CIAO3: variants seen among roughly 807,000 people sequenced by gnomAD.
CIAO3 encodes LET1 like/JFP15.
A neutral mutation model predicts 51.5 loss-of-function variants in CIAO3; 45 were observed. The observed-to-expected ratio is 0.87, with a 90% CI of 0.69 to 1.12. The LOEUF (loss-of-function observed/expected upper bound fraction) is 1.12, where lower values mean the gene tolerates loss of function less well. Ranked by LOEUF, CIAO3 falls within the 50% of genes most tolerant of loss-of-function variation. CIAO3 has a pLI of 0.00. For synonymous variants in CIAO3, 314 were observed against 269.3 expected (o/e 1.17, Z -1.63); for missense variants, 668 against 632.5 (o/e 1.06, Z -0.60).
Position 731,844 on chromosome 16 carries a change from A to G in CIAO3, c.897-142T>C, listed in dbSNP as rs1445513126. The G allele has an allele frequency of 8.0e-6, 9 of 1,118,828 alleles. No individual in the cohort carries two copies. In the South Asian group the frequency reaches 1.6e-4, roughly 20 times the overall value. The allele number at this position is 1,118,828 out of a possible 1,614,324, so 69.3% of individuals were successfully genotyped here. A position where few individuals can be genotyped will look rare whatever the true frequency, so the allele number is the denominator to read the frequency against. On this transcript the variant is annotated intron_variant, in intron 8 of 10. Transcript: ENST00000251588. ...GACACAGAGGAACAGCTCCTGTGTC[A>G]CCAGCCATCACAGGGGCCCAGCCAC...
In CIAO3 at chr16:737,503, A is replaced by G. The variant is rs1365582767; in HGVS notation, c.163-174T>C. On this transcript the variant is annotated intron_variant, in intron 2 of 10. Coordinates refer to ENST00000251588, the MANE Select transcript of CIAO3 (RefSeq NM_022493.3). This position sits in a 1 kb window ranked among gnomAD's most constrained non-coding sequence, Gnocchi z 5.3. ...TTACAAAAATGCACACGCACGCTCT[A>G]CAGTTTCATAATGCCGTCAAGTCTG... 2.6e-6 allele frequency: 4 copies of G among 1,523,824 alleles called. No homozygotes were observed. Among genetic ancestry groups the G allele is most frequent in the South Asian group, 2.4e-5 (2 of 82,806 alleles). The allele number at this position is 1,523,824 out of a possible 1,614,324, so 94.4% of individuals were successfully genotyped here.
chr16:740,176 G>T, intron 1 of CIAO3: 1 of 1,220,488 alleles, frequency 8.2e-7, no homozygotes, highest in South Asian at 1.3e-5. Flanking sequence ...TGAGAACCCT[G>T]GCAGCCCAGA....
chr16:736,468 C>T lies in CIAO3; in HGVS notation c.307-70G>A, dbSNP rs575018739. 669 of 1,589,918 alleles carry T rather than the reference C, an allele frequency of 4.2e-4. 7 individuals are homozygous for T. In the African/African-American group the frequency reaches 4.6e-3, roughly 11 times the overall value. On this transcript the variant is annotated intron_variant, in intron 3 of 10. Transcript: ENST00000251588. ...CTGATTCCTGGTGGCCAGAGCCGCA[C>T]GGTGAGATGCTGTCAGCTGTGGAGA...
At chr16:739,413 T>G in intron 2 of CIAO3, 3 of 574,180 alleles carry the variant, frequency 5.2e-6, no homozygotes, top group Admixed American at 6.1e-5. Flanking sequence ...TCTCTGCAAA[T>G]AGCCCCTCTG....
rs2041376898 is a variant in CIAO3, at chr16:740,162, T to C, written c.67-424A>G. 7 of 1,260,476 alleles carry C rather than the reference T, an allele frequency of 5.6e-6. No homozygotes were observed. In the Admixed American group the frequency reaches 1.4e-4, roughly 25 times the overall value. 78.1% of individuals were successfully genotyped at this position (1,260,476 alleles called of 1,614,324 possible). A position where few individuals can be genotyped will look rare whatever the true frequency, so the allele number is the denominator to read the frequency against. On this transcript the variant is annotated intron_variant, in intron 1 of 10. Transcript: ENST00000251588. ...GAAACAAGTGGATTTCTCTCTCTTC[T>C]CCTTGAGAACCCTGGCAGCCCAGAA...
In CIAO3 at chr16:731,573, T is replaced by C. The variant is rs1567343220; in HGVS notation, c.1026A>G (p.Lys342=). 1 of 1,565,836 alleles carries C rather than the reference T, an allele frequency of 6.4e-7. No individual in the cohort carries two copies. The highest frequency in any genetic ancestry group is 8.7e-7 in the Non-Finnish European group (1 of 1,155,988). Residue 342 remains lysine, a synonymous_variant, in exon 9 of 11, where the codon AAA becomes AAG. Transcript: ENST00000251588. ...TGGCCCATCCCACTGACCTCAGGGGTTTGTAGGTAACCTCAGCCACATGGA... is the reference window on the plus strand; with the variant it reads ...TGGCCCATCCCACTGACCTCAGGGGCTTGTAGGTAACCTCAGCCACATGGA... ...FGIHVAEVTY[K]PLRNKDFQEV...
At chr16:731,139 G>C (rs2041275186) in intron 9 of CIAO3, 139 bp from the exon 10 acceptor site, 1 of 1,109,066 alleles carries the variant, frequency 9.0e-7, no homozygotes, top group African/African-American at 1.6e-5. Flanking sequence ...CAGAGGGAAG[G>C]ACAAGAACGG....
chr16:732,133 C>T (rs1011123907), intron 8 of CIAO3, 168 bp downstream of exon 8: 3 of 722,110 alleles, frequency 4.2e-6, no homozygotes, highest in Non-Finnish European at 7.0e-6. Flanking sequence ...CCACCTTGGC[C>T]TCCCAAAGTG....
Position 732,382 on chromosome 16 carries a change from A to G in CIAO3, c.824-9T>C. 1 of 1,612,740 alleles carries G rather than the reference A, an allele frequency of 6.2e-7. No homozygotes were observed. Among genetic ancestry groups the G allele is most frequent in the South Asian group, 1.1e-5 (1 of 91,086 alleles). ...CAACCTGAAAACTTCTCCTGCAAAGAAGCCACAGCGCAGACACTCTTTAGC... is the reference window on the plus strand; with the variant it reads ...CAACCTGAAAACTTCTCCTGCAAAGGAGCCACAGCGCAGACACTCTTTAGC... On this transcript the variant is annotated splice_polypyrimidine_tract_variant and intron_variant, in intron 7 of 10. Coordinates refer to ENST00000251588, the MANE Select transcript of CIAO3 (RefSeq NM_022493.3).
intron 5 of CIAO3, 55 bp from the exon 6 acceptor site, chr16:734,402 C>A: frequency 7.7e-7 from 1 of 1,299,260 alleles, no homozygotes; most frequent in Non-Finnish European, 1.1e-6. Flanking sequence ...GCCCCCGCAC[C>A]CACAGGCAGC....
In CIAO3 at chr16:729,794, A is replaced by C; in HGVS notation, c.*623T>G. On this transcript the variant is annotated 3_prime_UTR_variant, in exon 11 of 11. Transcript: ENST00000251588. Reference sequence around the variant, plus strand: ...TTAGGAGGGGTGCGTTTATTAGACAAACGCTGGGAGACAGGCCTGGTGGGG... The same window carrying C: ...TTAGGAGGGGTGCGTTTATTAGACACACGCTGGGAGACAGGCCTGGTGGGG... The C allele has an allele frequency of 2.7e-6, 3 of 1,108,020 alleles. No homozygotes were observed. Among genetic ancestry groups the C allele is most frequent in the Middle Eastern group, 3.4e-4 (1 of 2,924 alleles). The allele number at this position is 1,108,020 out of a possible 1,614,324, so 68.6% of individuals were successfully genotyped here.
chr16:733,886 C>A, intron 6 of CIAO3: 7 of 387,566 alleles, frequency 1.8e-5, no homozygotes, highest in South Asian at 1.6e-4. Context: ...TGTCTTCAGG[C>A]TTCTATCCCG....
chr16:732,911 CA>C (rs1403945622), intron 7 of CIAO3: 4 of 317,776 alleles, frequency 1.3e-5, no homozygotes, highest in Non-Finnish European at 1.8e-5. Context: ...GCTGGGATTA[CA>C]GGCGTGAGCC....
At chr16:736,237 G>A (rs773384954) in intron 4 of CIAO3, 29 bp downstream of exon 4, 20 of 1,611,326 alleles carry the variant, frequency 1.2e-5, no homozygotes, top group South Asian at 3.3e-5. Context: ...GATTTGGAGC[G>A]GCAGTGTTAC....
At chr16:739,825 G>A (rs1478539368) in intron 1 of CIAO3, 87 bp from the exon 2 acceptor site, 3 of 1,407,288 alleles carry the variant, frequency 2.1e-6, no homozygotes, top group East Asian at 2.3e-5. Context: ...CTGCCCAGCC[G>A]CACAGCCTGA....
At chr16:732,501 A>T (rs1380366645) in intron 7 of CIAO3, 128 bp from the exon 8 acceptor site, 1 of 1,080,962 alleles carries the variant, frequency 9.3e-7, no homozygotes, top group Admixed American at 1.9e-5. Flanking sequence ...TGTCCACCCT[A>T]GCCCGTGGTG....
intron 2 of CIAO3, among the ~76,000 whole-genome samples, chr16:738,629 G>A (rs1018829536): frequency 2.0e-5 from 3 of 150,574 alleles, no homozygotes; most frequent in Admixed American, 2.0e-4. Context: ...TGGGATTACA[G>A]GCCTGAGCCA....
rs112946771 is a variant in CIAO3, at chr16:730,871, G to A, written c.1164C>T (p.His388=). 1 of 1,612,874 alleles carries A rather than the reference G, an allele frequency of 6.2e-7. No individual in the cohort carries two copies. Among genetic ancestry groups the A allele is most frequent in the Admixed American group, 1.7e-5 (1 of 60,022 alleles). The change falls in exon 10 of 11, where the codon CAC becomes CAT. Residue 388 remains histidine (H), a synonymous_variant. Transcript: ENST00000251588. The part of the protein sequence containing the change: ...QRLKRGRCPY[H]YVEVMACPSG... ...AGGGGCAGGCCATGACCTCCACGTA[G>A]TGGTAGGGGCAGCGCCCTCGTTTGA... is the stretch of plus-strand genomic sequence containing the variant.
In CIAO3 at chr16:734,434, G is replaced by GC; in HGVS notation, c.575-88dup. ...CAGCAGCACGACATTCTGGGGGCGG[G>GC]CCCGCTCATACAGGAGATCATGATG... On this transcript the variant is annotated intron_variant, in intron 5 of 10. Transcript: ENST00000251588. 3.1e-6 allele frequency: 3 copies of GC among 977,002 alleles called. No individual in the cohort carries two copies. The South Asian group carries it at 4.4e-5, about 14-fold the overall frequency. 60.5% of individuals were successfully genotyped at this position (977,002 alleles called of 1,614,324 possible). A position where few individuals can be genotyped will look rare whatever the true frequency, so the allele number is the denominator to read the frequency against.
Sources: gnomAD v4.1 joint callset for allele counts (sites outside exome capture counted in the v4.1 genomes callset) on GRCh38, gnomAD v4.1.1 for gene constraint, Gnocchi (gnomAD v3.1) non-coding constraint, MANE v1.5 for transcripts, NCBI Gene and HGNC (gene_info 2026-07-23, HGNC 2026-07-21) for gene names.